Variants in RTN1 observed in about 807,000 individuals in gnomAD.
RTN1 encodes reticulon 1.
RTN1 carries 25 observed loss-of-function variants against 65.5 expected under a neutral mutation model. The observed-to-expected ratio is 0.38, with a 90% CI of 0.28 to 0.53. The LOEUF (loss-of-function observed/expected upper bound fraction) is 0.53. RTN1 is among the 20% of genes least tolerant of loss of function. RTN1 has a pLI of 0.79. For missense variants in RTN1, 983 were observed against 1,025.4 expected (o/e 0.96, Z 0.57); for synonymous variants, 471 against 447.6 (o/e 1.05, Z -0.66).
intron 1 of RTN1, among the ~76,000 whole-genome samples, chr14:59,818,451 T>A (rs1348914903): frequency 1.3e-5 from 2 of 152,180 alleles, no homozygotes; most frequent in African/African-American, 4.8e-5. Flanking sequence ...ACTCTATATC[T>A]CCAGCACTCA....
chr14:59,767,538 C>T (rs182651439), intron 1 of RTN1, among the ~76,000 whole-genome samples: 1 of 152,254 alleles, frequency 6.6e-6, no homozygotes, highest in East Asian at 1.9e-4. Context: ...GCAGCTTAGC[C>T]TATACCCTAA....
chr14:59,649,304 C>T (rs964900145), intron 3 of RTN1, among the ~76,000 whole-genome samples: 1 of 152,026 alleles, frequency 6.6e-6, no homozygotes, highest in Non-Finnish European at 1.5e-5. Context: ...CCATAAAAAC[C>T]CTAGAAGAAA....
chr14:59,747,347 C>T (rs977269343), intron 1 of RTN1, among the ~76,000 whole-genome samples: 3 of 152,210 alleles, frequency 2.0e-5, no homozygotes, highest in African/African-American at 7.2e-5. Flanking sequence ...CAGTGGCTCA[C>T]GCCTGTAATT....
intron 1 of RTN1, among the ~76,000 whole-genome samples, chr14:59,784,276 TA>T (rs906856467): frequency 4.0e-5 from 6 of 150,994 alleles, no homozygotes; most frequent in African/African-American, 1.5e-4. Context: ...TCGTCTCTAC[TA>T]AAAAAAATAC....
Position 59,835,580 on chromosome 14 carries a change from G to T in RTN1, c.241+34810C>A, listed in dbSNP as rs185600044. 2.5e-3 allele frequency among the ~76,000 whole-genome samples: 387 copies of T among 152,246 alleles called. 1 individual carries two copies. Among genetic ancestry groups the T allele is most frequent in the African/African-American group, 8.9e-3 (368 of 41,534 alleles). On this transcript the variant is annotated intron_variant, in intron 1 of 8. Transcript: ENST00000267484. ...GTTGTAGGCACTAGCATTCAATAGT[G>T]ATCAAACTGGACAAAATATAATAAA... is the stretch of plus-strand genomic sequence containing the variant.
At chr14:59,627,989 T>TA (rs986734537) in intron 3 of RTN1, among the ~76,000 whole-genome samples, 1 of 151,850 alleles carries the variant, frequency 6.6e-6, no homozygotes, top group Admixed American at 6.6e-5. Context: ...TTTTTTTTTT[T>TA]AAATTGGTAT....
At chr14:59,675,210 G>C (rs1883598793) in intron 3 of RTN1, among the ~76,000 whole-genome samples, 1 of 152,144 alleles carries the variant, frequency 6.6e-6, no homozygotes, top group South Asian at 2.1e-4. Context: ...GGAATAAATA[G>C]TGTCTAAACT....
At chr14:59,853,195 G>C (rs1887540585) in intron 1 of RTN1, among the ~76,000 whole-genome samples, 1 of 152,138 alleles carries the variant, frequency 6.6e-6, no homozygotes, top group Non-Finnish European at 1.5e-5. Flanking sequence ...ATCATGAAAC[G>C]ATTTTTTAAA....
chr14:59,772,169 A>C (rs1885971188), intron 1 of RTN1, among the ~76,000 whole-genome samples: 1 of 152,240 alleles, frequency 6.6e-6, no homozygotes, highest in Non-Finnish European at 1.5e-5. Context: ...TCTACAGAAT[A>C]TTTTAAAAAT....
rs1304546830 is a variant in RTN1, at chr14:59,817,352, T to C, written c.241+53038A>G. On this transcript the variant is annotated intron_variant, in intron 1 of 8. Coordinates refer to ENST00000267484, the MANE Select transcript of RTN1 (RefSeq NM_021136.3). ...GCTTGATAGGGGGAAAACTGCATTT[T>C]TTAAAAAAGACACTAAACAAGACCA... 2.0e-5 allele frequency among the ~76,000 whole-genome samples: 3 copies of C among 152,182 alleles called. No homozygotes were observed. The East Asian group carries it at 5.8e-4, about 29-fold the overall frequency.
At chr14:59,603,317 T>C in intron 6 of RTN1, 59 bp from the exon 7 acceptor site, 7 of 1,308,992 alleles carry the variant, frequency 5.3e-6, no homozygotes, top group Non-Finnish European at 7.6e-6. Flanking sequence ...AATACGCTTA[T>C]AGACACATTT....
chr14:59,745,985 C>T lies in RTN1; in HGVS notation c.738G>A (p.Glu246=). ...ATAAATGGTCCTTGATGATTTTTCC[C>T]TCCACAGGAGCTGGTTTGTCAGGTT... ...VREPDKPAPV[E]GKIIKDHLLE... Residue 246 remains glutamate, a synonymous_variant, in exon 2 of 9, where the codon GAG becomes GAA. Coordinates refer to ENST00000267484, the MANE Select transcript of RTN1 (RefSeq NM_021136.3). 6.2e-7 allele frequency: 1 copy of T among 1,614,086 alleles called. No individual in the cohort carries two copies.
At chr14:59,802,427 G>C (rs1178064341) in intron 1 of RTN1, among the ~76,000 whole-genome samples, 2 of 152,180 alleles carry the variant, frequency 1.3e-5, no homozygotes, top group Admixed American at 1.3e-4. Context: ...ATTAAACAGT[G>C]GGGGGATGTG....
intron 3 of RTN1, chr14:59,646,825 T>G (rs1882907654): frequency 6.6e-6 from 1 of 151,346 alleles, no homozygotes; most frequent in African/African-American, 2.4e-5. Context: ...ACCAGCCAAT[T>G]AAAAAAAAAC....
chr14:59,821,904 G>A (rs932421096), intron 1 of RTN1, among the ~76,000 whole-genome samples: 15 of 152,180 alleles, frequency 9.9e-5, no homozygotes, highest in African/African-American at 3.4e-4. Flanking sequence ...CTGCTCCTGG[G>A]TTTAATTTGC....
intron 4 of RTN1, among the ~76,000 whole-genome samples, chr14:59,606,412 T>C (rs766549041): frequency 6.6e-6 from 1 of 151,946 alleles, no homozygotes; most frequent in Non-Finnish European, 1.5e-5. Context: ...TGGGGCCTTG[T>C]GGGGGTGATT....
At chr14:59,601,009 C>T (rs964086712) in intron 8 of RTN1, among the ~76,000 whole-genome samples, 3 of 152,144 alleles carry the variant, frequency 2.0e-5, no homozygotes, top group African/African-American at 7.2e-5. Flanking sequence ...CCATAGTGAT[C>T]TTTAAAAAAC....
chr14:59,855,942 A>G lies in RTN1; in HGVS notation c.241+14448T>C, dbSNP rs80343643. 4.4e-3 allele frequency among the ~76,000 whole-genome samples: 676 copies of G among 152,332 alleles called. 10 individuals are homozygous for G. The highest frequency in any genetic ancestry group is 0.016 in the African/African-American group (650 of 41,576). On this transcript the variant is annotated intron_variant, in intron 1 of 8. Coordinates refer to ENST00000267484, the MANE Select transcript of RTN1 (RefSeq NM_021136.3). Reference sequence around the variant, plus strand: ...TGGCTGGATACAGTGATTACTGTCTAAAAGTTTTCTATCCTGCTAGGATGC... The same window carrying G: ...TGGCTGGATACAGTGATTACTGTCTGAAAGTTTTCTATCCTGCTAGGATGC...
At chr14:59,725,291 G>A (rs1884733858) in intron 3 of RTN1, among the ~76,000 whole-genome samples, 1 of 152,088 alleles carries the variant, frequency 6.6e-6, no homozygotes, top group South Asian at 2.1e-4. Flanking sequence ...AAACATATTT[G>A]AACAGCACCG....
Sources: gnomAD v4.1 joint callset for allele counts (sites outside exome capture counted in the v4.1 genomes callset) on GRCh38, gnomAD v4.1.1 for gene constraint, MANE v1.5 for transcripts, NCBI Gene and HGNC (gene_info 2026-07-23, HGNC 2026-07-21) for gene names.